Variants in CYRIA observed in about 807,000 individuals in gnomAD.
The protein encoded by CYRIA is CYFIP-related Rac1 interactor A.
A neutral mutation model predicts 43.9 loss-of-function variants in CYRIA; 15 were observed. The ratio of observed to expected loss-of-function variants is 0.34; its 90% CI spans 0.23 to 0.53. The LOEUF is 0.53. Among genes scored for constraint, CYRIA ranks in the 20% least tolerant of loss-of-function variants. The pLI is 0.94. For synonymous variants in CYRIA, 117 were observed against 136.0 expected (o/e 0.86, Z 0.97); for missense variants, 236 against 394.2 (o/e 0.60, Z 3.40).
At chr2:16,610,435 G>A (rs1360893870) in intron 2 of CYRIA, among the ~76,000 whole-genome samples, 1 of 152,214 alleles carries the variant, frequency 6.6e-6, no homozygotes, top group Non-Finnish European at 1.5e-5. Context: ...AGAGGGCTGT[G>A]GAAACTCATA....
chr2:16,658,353 C>T (rs1382009697), intron 1 of CYRIA, among the ~76,000 whole-genome samples: 1 of 152,192 alleles, frequency 6.6e-6, no homozygotes, highest in African/African-American at 2.4e-5. Flanking sequence ...GTAGCAAAAA[C>T]TTTACAAACA....
At chr2:16,607,863 C>T (rs896455869) in intron 2 of CYRIA, among the ~76,000 whole-genome samples, 17 of 152,158 alleles carry the variant, frequency 1.1e-4, no homozygotes, top group Non-Finnish European at 2.1e-4. Context: ...TCCCAAAGTG[C>T]TGGGATTACA....
chr2:16,584,758 A>G (rs1480219170), intron 3 of CYRIA, among the ~76,000 whole-genome samples: 2 of 152,014 alleles, frequency 1.3e-5, no homozygotes, highest in Non-Finnish European at 2.9e-5. Context: ...CATGCCTTTA[A>G]TCATACTGTT....
At chr2:16,566,567 G>T (rs1420083264) in intron 3 of CYRIA, among the ~76,000 whole-genome samples, 1 of 152,192 alleles carries the variant, frequency 6.6e-6, no homozygotes, top group African/African-American at 2.4e-5. Context: ...GGGAGTTCAT[G>T]TTAAAGACAA....
In CYRIA at chr2:16,563,868, C is replaced by G. The variant is rs1011434755; in HGVS notation, c.298+121G>C. Reference sequence around the variant, plus strand: ...GAGTTGTTGCTCATAAATGGCCTCTCATTTGATACAGTGGATGGATGTGGG... The same window carrying G: ...GAGTTGTTGCTCATAAATGGCCTCTGATTTGATACAGTGGATGGATGTGGG... On this transcript the variant is annotated intron_variant, in intron 5 of 11. Transcript: ENST00000381323. 9 of 645,982 alleles carry G rather than the reference C, an allele frequency of 1.4e-5. No individual in the cohort carries two copies. The African/African-American group carries it at 1.7e-4, about 12-fold the overall frequency. The allele number at this position is 645,982 out of a possible 1,614,324, so 40.0% of individuals were successfully genotyped here.
At chr2:16,570,664 A>G (rs1667097234) in intron 3 of CYRIA, among the ~76,000 whole-genome samples, 1 of 152,122 alleles carries the variant, frequency 6.6e-6, no homozygotes, top group Non-Finnish European at 1.5e-5. Context: ...GCTATCAGCA[A>G]CCCCTTAAAG....
chr2:16,650,626 G>A lies in CYRIA; in HGVS notation c.-167+15154C>T, dbSNP rs190548635. On this transcript the variant is annotated intron_variant, in intron 1 of 11. Transcript: ENST00000381323. The surrounding 1 kb of genome is among the most constrained non-coding windows in gnomAD (Gnocchi z 4.1). Reference sequence around the variant, plus strand: ...CCTAAACATCTCAGAGAGACTGGATGCTCCTCTCTGGCCATGGAAAGGCCT... The same window carrying A: ...CCTAAACATCTCAGAGAGACTGGATACTCCTCTCTGGCCATGGAAAGGCCT... Among the ~76,000 whole-genome samples the A allele has an allele frequency of 1.2e-4, 18 of 152,298 alleles. No individual in the cohort carries two copies. The East Asian group carries it at 3.5e-3, about 29-fold the overall frequency.
chr2:16,639,729 C>G (rs1669615057), intron 1 of CYRIA, among the ~76,000 whole-genome samples: 1 of 152,074 alleles, frequency 6.6e-6, no homozygotes, highest in South Asian at 2.1e-4. Flanking sequence ...AAATTTAAAC[C>G]ATTGGGCATT....
In CYRIA at chr2:16,643,739, A is replaced by G. The variant is rs576773696; in HGVS notation, c.-166-19720T>C. Reference sequence around the variant, plus strand: ...GTGTTGCCCACTGTTATGTTCCTAGAGCCCACCCAGACATAGTGTTTTAGA... The same window carrying G: ...GTGTTGCCCACTGTTATGTTCCTAGGGCCCACCCAGACATAGTGTTTTAGA... On this transcript the variant is annotated intron_variant, in intron 1 of 11. Transcript: ENST00000381323. Among the ~76,000 whole-genome samples, 3 of 152,326 alleles carry G rather than the reference A, an allele frequency of 2.0e-5. No individual in the cohort carries two copies. The South Asian group carries it at 6.2e-4, about 32-fold the overall frequency.
chr2:16,652,293 TAAGTTGCTAC>T (rs1207384188), intron 1 of CYRIA, among the ~76,000 whole-genome samples: 1 of 152,194 alleles, frequency 6.6e-6, no homozygotes, highest in African/African-American at 2.4e-5. Flanking sequence ...CCACCTGCTC[TAAGTTGCTAC>T]AAGTTGCTAT....
chr2:16,638,074 G>A (rs1669557347), intron 1 of CYRIA, among the ~76,000 whole-genome samples: 1 of 152,192 alleles, frequency 6.6e-6, no homozygotes, highest in Non-Finnish European at 1.5e-5. Context: ...GGGTTTGGAA[G>A]GAGCCACACA....
chr2:16,625,111 G>GGCAT (rs1260967841), intron 1 of CYRIA, among the ~76,000 whole-genome samples: 3 of 152,128 alleles, frequency 2.0e-5, no homozygotes, highest in Non-Finnish European at 4.4e-5. Context: ...CTGTGGTAAG[G>GGCAT]GCATGAAAGA....
In CYRIA at chr2:16,551,085, A is replaced by C. The variant is rs1422212182; in HGVS notation, c.*1851T>G. 6.6e-6 allele frequency: 1 copy of C among 152,054 alleles called. No individual in the cohort carries two copies. Among genetic ancestry groups the C allele is most frequent in the East Asian group, 1.9e-4 (1 of 5,170 alleles). The allele number at this position is 152,054 out of a possible 1,614,324, so 9.4% of individuals were successfully genotyped here. A position where few individuals can be genotyped will look rare whatever the true frequency, so the allele number is the denominator to read the frequency against. ...GCAGCTGTACTTTTTCAACTTGAAAATCTCCAAGGAAAAGAGCCTTTTCCT... is the reference window on the plus strand; with the variant it reads ...GCAGCTGTACTTTTTCAACTTGAAACTCTCCAAGGAAAAGAGCCTTTTCCT... On this transcript the variant is annotated 3_prime_UTR_variant, in exon 12 of 12. Coordinates refer to ENST00000381323, the MANE Select transcript of CYRIA (RefSeq NM_030797.4).
intron 2 of CYRIA, among the ~76,000 whole-genome samples, chr2:16,601,464 G>A (rs1473498207): frequency 1.3e-5 from 2 of 152,078 alleles, no homozygotes; most frequent in Non-Finnish European, 2.9e-5. Flanking sequence ...AAATAGTCTA[G>A]AATATGGGTG....
intron 3 of CYRIA, among the ~76,000 whole-genome samples, chr2:16,585,801 C>T (rs577958783): frequency 2.2e-4 from 33 of 152,268 alleles, no homozygotes; most frequent in South Asian, 2.1e-3. Flanking sequence ...AGAAGCACCT[C>T]TCAACGTCCC....
intron 1 of CYRIA, among the ~76,000 whole-genome samples, chr2:16,630,948 A>G (rs550508371): frequency 6.6e-6 from 1 of 152,322 alleles, no homozygotes; most frequent in South Asian, 2.1e-4. Flanking sequence ...ACAAAAACCA[A>G]CAATCTGGGC....
chr2:16,565,975 CT>C (rs1666916708), intron 3 of CYRIA, among the ~76,000 whole-genome samples: 1 of 152,110 alleles, frequency 6.6e-6, no homozygotes, highest in Admixed American at 6.6e-5. Flanking sequence ...AGTCAATGAT[CT>C]TTTTATAGTC....
At chr2:16,634,815 G>A (rs1284854869) in intron 1 of CYRIA, among the ~76,000 whole-genome samples, 2 of 152,176 alleles carry the variant, frequency 1.3e-5, no homozygotes, top group African/African-American at 4.8e-5. Context: ...ATTCAGTGAC[G>A]CCATGGAAGT....
intron 3 of CYRIA, 119 bp from the exon 4 acceptor site, chr2:16,565,886 T>C (rs979406516): frequency 6.0e-6 from 6 of 1,007,924 alleles, no homozygotes; most frequent in African/African-American, 3.2e-5. Context: ...CTCTGGTATT[T>C]ACTCTTTAAC....
Sources: allele counts gnomAD v4.1 joint callset (sites outside exome capture counted in the v4.1 genomes callset), GRCh38; gene constraint gnomAD v4.1.1; non-coding constraint Gnocchi (gnomAD v3.1); transcripts MANE v1.5; gene names NCBI Gene and HGNC (gene_info 2026-07-23, HGNC 2026-07-21).